FUT9: variants seen among roughly 807,000 people sequenced by gnomAD.
FUT9 encodes 4-galactosyl-N-acetylglucosaminide 3-alpha-L-fucosyltransferase 9.
In FUT9, 15 loss-of-function variants were observed where a neutral mutation model predicts 29.7. The ratio of observed to expected loss-of-function variants is 0.51; its 90% CI spans 0.34 to 0.78. The LOEUF is 0.78. Ranked by LOEUF, FUT9 falls within the 30% of genes least tolerant of loss-of-function variation. The probability of loss-of-function intolerance (pLI) is 0.01; values close to 1 mark genes in which losing one functional copy is unlikely to be tolerated. For synonymous variants in FUT9, 169 were observed against 153.7 expected (o/e 1.10, Z -0.74); for missense variants, 319 against 425.4 (o/e 0.75, Z 2.20).
chr6:96,048,054 T>C (rs2127936628), intron 1 of FUT9, among the ~76,000 whole-genome samples: 1 of 152,282 alleles, frequency 6.6e-6, no homozygotes, highest in East Asian at 1.9e-4. Context: ...ATTCTTTGGC[T>C]CATGGTTCTT....
intron 1 of FUT9, among the ~76,000 whole-genome samples, chr6:96,046,834 T>C (rs940902198): frequency 6.6e-6 from 1 of 152,230 alleles, no homozygotes; most frequent in African/African-American, 2.4e-5. Context: ...ATCTGGGAAG[T>C]GTTGTCAGCA....
intron 1 of FUT9, among the ~76,000 whole-genome samples, chr6:96,076,404 T>C (rs1054870620): frequency 1.3e-5 from 2 of 152,192 alleles, no homozygotes; most frequent in Non-Finnish European, 2.9e-5. Flanking sequence ...AATTAATTTA[T>C]ATTGCTTTGT....
At chr6:96,132,729 T>C (rs1383508033) in intron 2 of FUT9, among the ~76,000 whole-genome samples, 1 of 152,050 alleles carries the variant, frequency 6.6e-6, no homozygotes, top group Non-Finnish European at 1.5e-5. Flanking sequence ...TTATAATGTG[T>C]TTTGATATAC....
chr6:96,056,426 C>A (rs1026118941), intron 1 of FUT9, among the ~76,000 whole-genome samples: 3 of 152,276 alleles, frequency 2.0e-5, no homozygotes, highest in East Asian at 3.9e-4. Flanking sequence ...TTTTAGTTTT[C>A]TTTTATTAAT....
chr6:96,191,531 G>A (rs1773508874), intron 2 of FUT9, among the ~76,000 whole-genome samples: 1 of 152,240 alleles, frequency 6.6e-6, no homozygotes, highest in Admixed American at 6.5e-5. Flanking sequence ...AGTAAACCAG[G>A]AAGAAGTGGA....
At chr6:96,190,890 G>C (rs182919284) in intron 2 of FUT9, among the ~76,000 whole-genome samples, 42 of 152,244 alleles carry the variant, frequency 2.8e-4, no homozygotes, top group Admixed American at 3.3e-4. Context: ...ATCATCTGAA[G>C]CCTTCTTCTC....
At chr6:96,071,720 A>G (rs1482768288) in intron 1 of FUT9, among the ~76,000 whole-genome samples, 1 of 152,198 alleles carries the variant, frequency 6.6e-6, no homozygotes, top group Admixed American at 6.5e-5. Context: ...CTATCCCTAA[A>G]CATCTATGAC....
At chr6:96,116,969 C>G (rs919978526) in intron 2 of FUT9, among the ~76,000 whole-genome samples, 2 of 151,866 alleles carry the variant, frequency 1.3e-5, no homozygotes, top group African/African-American at 4.8e-5. Flanking sequence ...AGAAAGAAAA[C>G]AAATAGGATG....
intron 2 of FUT9, among the ~76,000 whole-genome samples, chr6:96,160,683 C>T (rs534890524): frequency 6.6e-4 from 101 of 152,212 alleles, no homozygotes; most frequent in Non-Finnish European, 1.1e-3. Flanking sequence ...CACAAATTCG[C>T]TATCATAGAT....
intron 2 of FUT9, among the ~76,000 whole-genome samples, chr6:96,157,940 CCTT>C (rs1211503835): frequency 6.6e-6 from 1 of 152,064 alleles, no homozygotes; most frequent in Admixed American, 6.6e-5. Context: ...TTCTCTAGCT[CCTT>C]ATTTTTTCTC....
chr6:96,167,243 T>C (rs1773030801), intron 2 of FUT9, among the ~76,000 whole-genome samples: 1 of 152,188 alleles, frequency 6.6e-6, no homozygotes, highest in Non-Finnish European at 1.5e-5. Context: ...CTATGTATCT[T>C]CAAATATTGA....
chr6:96,162,091 G>A (rs371892505), intron 2 of FUT9, among the ~76,000 whole-genome samples: 266 of 151,948 alleles, frequency 1.8e-3, no homozygotes, highest in Middle Eastern at 3.4e-3. Flanking sequence ...CTGTTCTTGC[G>A]TGTTTTCCAT....
intron 2 of FUT9, among the ~76,000 whole-genome samples, chr6:96,168,915 A>G (rs1411127977): frequency 6.6e-6 from 1 of 152,174 alleles, no homozygotes; most frequent in Admixed American, 6.5e-5. Context: ...TGGCTCTCAT[A>G]GGAATAAAGC....
chr6:96,154,977 G>T (rs1276494977), intron 2 of FUT9, among the ~76,000 whole-genome samples: 1 of 152,158 alleles, frequency 6.6e-6, no homozygotes, highest in African/African-American at 2.4e-5. Flanking sequence ...GTGCTGAGGA[G>T]GCAATGACAG....
At chr6:96,100,154 T>C (rs2127956479) in intron 1 of FUT9, among the ~76,000 whole-genome samples, 1 of 152,030 alleles carries the variant, frequency 6.6e-6, no homozygotes, top group East Asian at 1.9e-4. Context: ...TGATTTTCAT[T>C]TCACACCATT....
At chr6:96,052,398 A>G (rs1770687157) in intron 1 of FUT9, among the ~76,000 whole-genome samples, 1 of 152,320 alleles carries the variant, frequency 6.6e-6, no homozygotes, top group East Asian at 1.9e-4. Flanking sequence ...TTTCCATGAT[A>G]TTTATTCTCT....
chr6:96,184,610 T>C (rs1021942125), intron 2 of FUT9, among the ~76,000 whole-genome samples: 3 of 152,074 alleles, frequency 2.0e-5, no homozygotes, highest in Admixed American at 6.6e-5. Context: ...TTCCTCTTAA[T>C]GCTGCCTTTG....
chr6:96,068,591 T>G (rs934265799), intron 1 of FUT9, among the ~76,000 whole-genome samples: 20 of 152,224 alleles, frequency 1.3e-4, no homozygotes, highest in Admixed American at 3.9e-4. Flanking sequence ...TCGCATTGAT[T>G]AGCATCTGAA....
intron 2 of FUT9, among the ~76,000 whole-genome samples, chr6:96,158,975 T>G (rs1387166611): frequency 2.6e-5 from 4 of 152,208 alleles, no homozygotes; most frequent in Non-Finnish European, 5.9e-5. Flanking sequence ...TAGTAACCAC[T>G]AATCATATTT....
Sources: gnomAD v4.1 joint callset for allele counts (sites outside exome capture counted in the v4.1 genomes callset) on GRCh38, gnomAD v4.1.1 for gene constraint, MANE v1.5 for transcripts, NCBI Gene and HGNC (gene_info 2026-07-23, HGNC 2026-07-21) for gene names.